PLBD1: variants seen among roughly 807,000 people sequenced by gnomAD.
PLBD1 encodes lysosomal leucine aminopeptidase.
A neutral mutation model predicts 63.0 loss-of-function variants in PLBD1; 60 were observed. The observed-to-expected ratio is 0.95, with a 90% CI of 0.77 to 1.18. The LOEUF (loss-of-function observed/expected upper bound fraction) is 1.18. Among genes scored for constraint, PLBD1 ranks in the 50% most tolerant of loss-of-function variants. The probability of loss-of-function intolerance (pLI) is 0.00; values close to 1 mark genes in which losing one functional copy is unlikely to be tolerated. For missense variants in PLBD1, 598 were observed against 677.9 expected (o/e 0.88, Z 1.31); for synonymous variants, 262 against 248.0 (o/e 1.06, Z -0.53).
chr12:14,560,995 T>C (rs1945739283), intron 1 of PLBD1, among the ~76,000 whole-genome samples: 1 of 151,910 alleles, frequency 6.6e-6, no homozygotes, highest in Non-Finnish European at 1.5e-5. Context: ...ACTCCATGTC[T>C]GCATGTGCTC....
intron 1 of PLBD1, among the ~76,000 whole-genome samples, chr12:14,566,794 TAA>T (rs34908327): frequency 0.011 from 1,534 of 138,618 alleles, 25 homozygotes; most frequent in African/African-American, 0.032. Flanking sequence ...GATTATATAT[TAA>T]AAAAAAAAAA....
chr12:14,553,736 G>A (rs1945678979), intron 1 of PLBD1: 7 of 379,966 alleles, frequency 1.8e-5, no homozygotes, highest in South Asian at 1.6e-4. Context: ...TACTTATTGA[G>A]AGCTTGTTTG....
At chr12:14,513,538 G>A (rs969152294) in intron 6 of PLBD1, among the ~76,000 whole-genome samples, 3 of 152,134 alleles carry the variant, frequency 2.0e-5, no homozygotes, top group Non-Finnish European at 4.4e-5. Flanking sequence ...TCAAAGAAAC[G>A]GGTCACCTGA....
chr12:14,559,890 C>T (rs1451445371), intron 1 of PLBD1, among the ~76,000 whole-genome samples: 3 of 143,776 alleles, frequency 2.1e-5, no homozygotes, highest in Non-Finnish European at 4.6e-5. Flanking sequence ...ACAGAGTTTT[C>T]GCTCTTATTG....
chr12:14,540,873 A>T lies in PLBD1; in HGVS notation c.449T>A (p.Ile150Asn). The change falls in exon 4 of 11, where the codon ATC becomes AAC. Residue 150 changes from isoleucine to asparagine, a missense_variant. Ile to Asn is a moderately radical substitution (Grantham distance 149). Coordinates refer to ENST00000240617, the MANE Select transcript of PLBD1 (RefSeq NM_024829.6). ...EKQDKWTRKN[I>N]KEYKTDSFWR... is the part of the protein sequence containing the mutation. ...AAATGAATCAGTCTTGTATTCTTTG[A>T]TATTTTTCCGGGTCCACTTATCTTG... The T allele has an allele frequency of 1.2e-6, 2 of 1,603,250 alleles. No homozygotes were observed. Among genetic ancestry groups the T allele is most frequent in the Non-Finnish European group, 1.7e-6 (2 of 1,172,230 alleles).
chr12:14,511,697 G>A lies in PLBD1; in HGVS notation c.859C>T (p.Leu287=), dbSNP rs1945299368. The change falls in exon 7 of 11, where the codon CTG becomes TTG. Residue 287 remains leucine, a synonymous_variant. Transcript: ENST00000240617. ...CTGCTAAGAATGTAAAAATCATCCA[G>A]AGACTCCAAAAACCCTACAGGAAAG... ...FSSYPGFLES[L]DDFYILSSGL... The A allele has an allele frequency of 6.2e-7, 1 of 1,614,078 alleles. No individual in the cohort carries two copies. The highest frequency in any genetic ancestry group is 8.5e-7 in the Non-Finnish European group (1 of 1,179,972).
chr12:14,505,899 C>T (rs999558202), intron 10 of PLBD1, among the ~76,000 whole-genome samples: 12 of 152,188 alleles, frequency 7.9e-5, no homozygotes, highest in African/African-American at 2.4e-4. Context: ...TTCAGAACAA[C>T]ATATGAGGTA....
chr12:14,552,704 C>T (rs1294120681), intron 2 of PLBD1, among the ~76,000 whole-genome samples: 1 of 152,110 alleles, frequency 6.6e-6, no homozygotes, highest in Non-Finnish European at 1.5e-5. Context: ...AGTTTAGGAC[C>T]AGCCTGGGCA....
At chr12:14,531,996 A>T (rs1408532829) in intron 6 of PLBD1, among the ~76,000 whole-genome samples, 1 of 152,234 alleles carries the variant, frequency 6.6e-6, no homozygotes. Flanking sequence ...TAAAAGCCCC[A>T]GGAAAATTTA....
At chr12:14,550,058 T>A (rs942393064) in intron 2 of PLBD1, among the ~76,000 whole-genome samples, 2 of 152,216 alleles carry the variant, frequency 1.3e-5, no homozygotes, top group African/African-American at 4.8e-5. Flanking sequence ...TCAGAATGAC[T>A]TTATCCCTCT....
chr12:14,508,707 T>C (rs1166931296), intron 8 of PLBD1, among the ~76,000 whole-genome samples: 1 of 151,762 alleles, frequency 6.6e-6, no homozygotes, highest in Non-Finnish European at 1.5e-5. Flanking sequence ...GAGGCAAAGG[T>C]TGTAGTGAGC....
rs570826590 is a variant in PLBD1 at position 14,567,839 on chromosome 12, C to T, written c.-143G>A. 152 of 1,182,214 alleles carry T rather than the reference C, an allele frequency of 1.3e-4. No homozygotes were observed. The Middle Eastern group carries it at 1.5e-3, about 12-fold the overall frequency. 73.2% of individuals were successfully genotyped at this position (1,182,214 alleles called of 1,614,324 possible). ...GTCCTCAACTTTCCTCTTTCTTGAG[C>T]CCGGCCTGCTCCGGGCTCTGAGGGG... is the stretch of plus-strand genomic sequence containing the variant. On this transcript the variant is annotated 5_prime_UTR_variant, in exon 1 of 11. Coordinates refer to ENST00000240617, the MANE Select transcript of PLBD1 (RefSeq NM_024829.6).
At chr12:14,542,128 C>T (rs760764817) in intron 3 of PLBD1, 80 bp downstream of exon 3, 2 of 1,258,228 alleles carry the variant, frequency 1.6e-6, no homozygotes, top group Non-Finnish European at 2.3e-6. Context: ...AAGAAATTGG[C>T]AAAAAATTGC....
intron 4 of PLBD1, among the ~76,000 whole-genome samples, chr12:14,540,013 C>CTTAATTATATAT (rs1555147086): frequency 1.3e-4 from 3 of 22,774 alleles, no homozygotes; most frequent in South Asian, 2.2e-3. Context: ...AAGCTATGCA[C>CTTAATTATATAT]ATATATATAT....
intron 8 of PLBD1, 98 bp from the exon 9 acceptor site, chr12:14,507,216 T>C: frequency 1.1e-6 from 1 of 933,574 alleles, no homozygotes; most frequent in Non-Finnish European, 1.6e-6. Flanking sequence ...TCATTTATTT[T>C]GAAAATGGGC....
Position 14,535,649 on chromosome 12 carries a change from A to G in PLBD1, c.844+10T>C. 1 of 1,613,742 alleles carries G rather than the reference A, an allele frequency of 6.2e-7. No homozygotes were observed. Among genetic ancestry groups the G allele is most frequent in the Non-Finnish European group, 8.5e-7 (1 of 1,179,760 alleles). On this transcript the variant is annotated intron_variant, in intron 6 of 10. Transcript: ENST00000240617. ...TCAAAGTGCTCAGATGTTCCTTTAA[A>G]TTCATTTACCTGGGTAACTGCTGAA...
chr12:14,526,841 G>A (rs913983144), intron 6 of PLBD1, among the ~76,000 whole-genome samples: 6 of 151,978 alleles, frequency 3.9e-5, no homozygotes, highest in African/African-American at 1.4e-4. Context: ...GCGTGGTGGC[G>A]CATGCCTGTA....
Position 14,511,689 on chromosome 12 carries a change from A to C in PLBD1, c.867T>G (p.Asp289Glu). 1 of 1,614,194 alleles carries C rather than the reference A, an allele frequency of 6.2e-7. No homozygotes were observed. The highest frequency in any genetic ancestry group is 8.5e-7 in the Non-Finnish European group (1 of 1,180,012). ...SYPGFLESLD[D>E]FYILSSGLIL... Reference sequence around the variant, plus strand: ...TCAATCCACTGCTAAGAATGTAAAAATCATCCAGAGACTCCAAAAACCCTA... The same window carrying C: ...TCAATCCACTGCTAAGAATGTAAAACTCATCCAGAGACTCCAAAAACCCTA... Residue 289 changes from aspartate to glutamate, a missense_variant, in exon 7 of 11, where the codon GAT becomes GAG. Asp to Glu is a conservative substitution (Grantham distance 45). Coordinates refer to ENST00000240617, the MANE Select transcript of PLBD1 (RefSeq NM_024829.6).
At chr12:14,560,683 G>A (rs1473525616) in intron 1 of PLBD1, among the ~76,000 whole-genome samples, 1 of 152,212 alleles carries the variant, frequency 6.6e-6, no homozygotes, top group Non-Finnish European at 1.5e-5. Flanking sequence ...ACAATCTCCA[G>A]TAAACAAAAT....
Sources: allele counts gnomAD v4.1 joint callset (sites outside exome capture counted in the v4.1 genomes callset), GRCh38; gene constraint gnomAD v4.1.1; transcripts MANE v1.5; gene names NCBI Gene and HGNC (gene_info 2026-07-23, HGNC 2026-07-21).